Variants in KCNQ1OT1 observed in about 807,000 individuals in gnomAD.
The protein encoded by KCNQ1OT1 is KCNQ1 opposite strand/antisense transcript 1.
Position 2,661,838 on chromosome 11 carries a change from G to C in KCNQ1OT1, n.38157C>G. 2 of 1,277,282 alleles carry C rather than the reference G, an allele frequency of 1.6e-6. No individual in the cohort carries two copies. The highest frequency in any genetic ancestry group is 2.3e-6 in the Non-Finnish European group (2 of 884,534). 79.1% of individuals were successfully genotyped at this position (1,277,282 alleles called of 1,614,324 possible). ...ACCCAACTATAAAACTGATTGTCAG[G>C]GCTGGAGCTTCCAGGCACAAGCTCC... is the stretch of plus-strand genomic sequence containing the variant. On this transcript the variant is annotated non_coding_transcript_exon_variant, in exon 1 of 1. Coordinates refer to ENST00000597346, the Ensembl canonical transcript of KCNQ1OT1. This position sits in a 1 kb window ranked among gnomAD's most constrained non-coding sequence, Gnocchi z 5.9.
rs1342845005 is a variant in KCNQ1OT1, at chr11:2,669,340, C to T, written n.30655G>A. 2.5e-6 allele frequency: 1 copy of T among 398,520 alleles called. No homozygotes were observed. Among genetic ancestry groups the T allele is most frequent in the Non-Finnish European group, 4.4e-6 (1 of 226,086 alleles). The allele number at this position is 398,520 out of a possible 1,614,324, so 24.7% of individuals were successfully genotyped here. ...GAAAGCCTCCTCTAGGCGCAGCAGC[C>T]TCTAGATGGGCATGGGAGAATGGGT... On this transcript the variant is annotated non_coding_transcript_exon_variant, in exon 1 of 1. Transcript: ENST00000597346. The surrounding 1 kb of genome is among the most constrained non-coding windows in gnomAD (Gnocchi z 5.6).
chr11:2,639,085 C>G (rs2133826414), exon 1 of KCNQ1OT1: 1 of 152,288 alleles, frequency 6.6e-6, no homozygotes, highest in African/African-American at 2.4e-5. Context: ...AAGGACTTCT[C>G]TACACTGGTT....
At position 2,674,660 on chromosome 11, in the gene KCNQ1OT1, G is replaced by A; in HGVS notation, n.25335C>T. 2.5e-6 allele frequency: 1 copy of A among 398,480 alleles called. No individual in the cohort carries two copies. The highest frequency in any genetic ancestry group is 4.4e-6 in the Non-Finnish European group (1 of 226,034). The allele number at this position is 398,480 out of a possible 1,614,324, so 24.7% of individuals were successfully genotyped here. ...TTGAATTGGAAAGCCAGAACTTTTTGCAAAATAATTTGAAAAGTTTGTTGA... is the reference window on the plus strand; with the variant it reads ...TTGAATTGGAAAGCCAGAACTTTTTACAAAATAATTTGAAAAGTTTGTTGA... On this transcript the variant is annotated non_coding_transcript_exon_variant, in exon 1 of 1. Transcript: ENST00000597346. The surrounding 1 kb of genome is among the most constrained non-coding windows in gnomAD (Gnocchi z 5.9).
In KCNQ1OT1 at chr11:2,673,625, C is replaced by T. The variant is rs1850229604; in HGVS notation, n.26370G>A. 2 of 398,766 alleles carry T rather than the reference C, an allele frequency of 5.0e-6. No individual in the cohort carries two copies. The highest frequency in any genetic ancestry group is 4.4e-6 in the Non-Finnish European group (1 of 226,144). 24.7% of individuals were successfully genotyped at this position (398,766 alleles called of 1,614,324 possible). A position where few individuals can be genotyped will look rare whatever the true frequency, so the allele number is the denominator to read the frequency against. On this transcript the variant is annotated non_coding_transcript_exon_variant, in exon 1 of 1. Transcript: ENST00000597346. The surrounding 1 kb of genome is among the most constrained non-coding windows in gnomAD (Gnocchi z 4.5). ...AAACGTGACCAGCCTACCCACCTTG[C>T]TACTGCTGATGACCACCCTGACTCA...
chr11:2,618,644 T>C (rs1849111541), exon 1 of KCNQ1OT1: 1 of 398,594 alleles, frequency 2.5e-6, no homozygotes, highest in African/African-American at 2.1e-5. Context: ...CCTTTGTTTT[T>C]CAGAACAGAA....
At position 2,620,213 on chromosome 11, in the gene KCNQ1OT1, T is replaced by TATATATA. The variant is rs1305943444; in HGVS notation, n.79781_79782insTATATAT. On this transcript the variant is annotated non_coding_transcript_exon_variant, in exon 1 of 1. Transcript: ENST00000597346. The surrounding 1 kb of genome is among the most constrained non-coding windows in gnomAD (Gnocchi z 4.5). ...AGTTCATTCATGTATATATATATAT[T>TATATATA]TTTTTTTTTTATTTTTTTTTTAGAC... 41 of 247,294 alleles carry TATATATA rather than the reference T, an allele frequency of 1.7e-4. No individual in the cohort carries two copies. The highest frequency in any genetic ancestry group is 5.0e-4 in the African/African-American group (17 of 33,832). 15.3% of individuals were successfully genotyped at this position (247,294 alleles called of 1,614,324 possible).
chr11:2,699,500 G>A (rs551882623), exon 1 of KCNQ1OT1: 1 of 179,644 alleles, frequency 5.6e-6, no homozygotes, highest in Non-Finnish European at 8.8e-6. Context: ...AGAGTGCCGC[G>A]CTGAGGAGCC....
exon 1 of KCNQ1OT1, chr11:2,650,429 C>T (rs975752832): frequency 7.5e-5 from 30 of 398,402 alleles, no homozygotes; most frequent in Admixed American, 2.2e-4. Flanking sequence ...CCTGTACACG[C>T]GTCTGTAGTA....
In KCNQ1OT1 at chr11:2,659,117, A is replaced by T; in HGVS notation, n.40878T>A. On this transcript the variant is annotated non_coding_transcript_exon_variant, in exon 1 of 1. Transcript: ENST00000597346. This position sits in a 1 kb window ranked among gnomAD's most constrained non-coding sequence, Gnocchi z 4.3. Reference sequence around the variant, plus strand: ...CCTCCAACATCCGGGTTAATTTTTTAAATTTGCATACAGTAAAATCCACTC... The same window carrying T: ...CCTCCAACATCCGGGTTAATTTTTTTAATTTGCATACAGTAAAATCCACTC... 2.5e-6 allele frequency: 1 copy of T among 398,626 alleles called. No homozygotes were observed. Among genetic ancestry groups the T allele is most frequent in the Non-Finnish European group, 4.4e-6 (1 of 226,064 alleles). 24.7% of individuals were successfully genotyped at this position (398,626 alleles called of 1,614,324 possible).
exon 1 of KCNQ1OT1, chr11:2,634,465 G>C (rs764502966): frequency 6.3e-6 from 1 of 157,746 alleles, no homozygotes; most frequent in Non-Finnish European, 1.4e-5. Context: ...TGCTGAGAAT[G>C]ATGGTTTCCA....
exon 1 of KCNQ1OT1, chr11:2,632,448 G>C (rs1462898367): frequency 2.5e-5 from 10 of 398,158 alleles, no homozygotes; most frequent in Admixed American, 4.4e-5. Context: ...CCTGATCTTA[G>C]AGGAAAAGCT....
rs1590020221 is a variant in KCNQ1OT1 at position 2,668,781 on chromosome 11, A to G, written n.31214T>C. 2 of 398,560 alleles carry G rather than the reference A, an allele frequency of 5.0e-6. No individual in the cohort carries two copies. Among genetic ancestry groups the G allele is most frequent in the East Asian group, 7.1e-5 (2 of 28,080 alleles). 24.7% of individuals were successfully genotyped at this position (398,560 alleles called of 1,614,324 possible). ...CTTCCTCTCTTGATGGTGTCTTTTGATGAACAGAAGGTCTTAATTTTCATG... is the reference window on the plus strand; with the variant it reads ...CTTCCTCTCTTGATGGTGTCTTTTGGTGAACAGAAGGTCTTAATTTTCATG... On this transcript the variant is annotated non_coding_transcript_exon_variant, in exon 1 of 1. Coordinates refer to ENST00000597346, the Ensembl canonical transcript of KCNQ1OT1. The surrounding 1 kb of genome is among the most constrained non-coding windows in gnomAD (Gnocchi z 4.3).
chr11:2,698,939 A>T lies in KCNQ1OT1; in HGVS notation n.1056T>A, dbSNP rs931313203. The T allele has an allele frequency of 2.5e-6, 1 of 398,622 alleles. No individual in the cohort carries two copies. Among genetic ancestry groups the T allele is most frequent in the Non-Finnish European group, 4.4e-6 (1 of 226,100 alleles). The allele number at this position is 398,622 out of a possible 1,614,324, so 24.7% of individuals were successfully genotyped here. A position where few individuals can be genotyped will look rare whatever the true frequency, so the allele number is the denominator to read the frequency against. ...ATGTGGACCCTAGACCCGAATTCTG[A>T]TCCCAACTAGGATACCTAACTCAGA... On this transcript the variant is annotated non_coding_transcript_exon_variant, in exon 1 of 1. Transcript: ENST00000597346. The surrounding 1 kb of genome is among the most constrained non-coding windows in gnomAD (Gnocchi z 5.1).
At chr11:2,694,146 G>T in exon 1 of KCNQ1OT1, 1 of 398,650 alleles carries the variant, frequency 2.5e-6, no homozygotes, top group South Asian at 1.3e-4. Context: ...TTATACTGCT[G>T]ACCAGGGAAG....
chr11:2,673,160 G>C lies in KCNQ1OT1; in HGVS notation n.26835C>G. 2.5e-6 allele frequency: 1 copy of C among 398,720 alleles called. No homozygotes were observed. 24.7% of individuals were successfully genotyped at this position (398,720 alleles called of 1,614,324 possible). On this transcript the variant is annotated non_coding_transcript_exon_variant, in exon 1 of 1. Coordinates refer to ENST00000597346, the Ensembl canonical transcript of KCNQ1OT1. This position sits in a 1 kb window ranked among gnomAD's most constrained non-coding sequence, Gnocchi z 4.5. ...TGCTGACCATCCCTGACCCAAGCAC[G>C]AGGATCAGAATGGGCCCTGGAGCCA...
exon 1 of KCNQ1OT1, chr11:2,699,487 G>GGAGAGTGCCGCGCTGAGGAGCCCCCA: frequency 2.5e-6 from 1 of 402,464 alleles, no homozygotes; most frequent in Non-Finnish European, 4.3e-6. Context: ...GGAGCCCCCG[G>GGAGAGTGCCGCGCTGAGGAGCCCCCA]GGAGAGTGCC....
exon 1 of KCNQ1OT1, chr11:2,684,329 G>A: frequency 2.5e-6 from 1 of 398,642 alleles, no homozygotes; most frequent in Non-Finnish European, 4.4e-6. Context: ...CTCCTGAGGT[G>A]GCCCAGGTAT....
Position 2,651,990 on chromosome 11 carries a change from T to G in KCNQ1OT1, n.48005A>C, listed in dbSNP as rs1849764091. On this transcript the variant is annotated non_coding_transcript_exon_variant, in exon 1 of 1. Coordinates refer to ENST00000597346, the Ensembl canonical transcript of KCNQ1OT1. The surrounding 1 kb of genome is among the most constrained non-coding windows in gnomAD (Gnocchi z 6.1). ...CAAGCTGAGTTGATTACTTTTGACA[T>G]CAGTTGTTAACATAATTTTGATGTT... 2.5e-6 allele frequency: 1 copy of G among 398,664 alleles called. No individual in the cohort carries two copies. The highest frequency in any genetic ancestry group is 4.4e-6 in the Non-Finnish European group (1 of 226,106). The allele number at this position is 398,664 out of a possible 1,614,324, so 24.7% of individuals were successfully genotyped here.
rs992212945 is a variant in KCNQ1OT1 at position 2,682,108 on chromosome 11, G to A, written n.17887C>T. 6 of 398,598 alleles carry A rather than the reference G, an allele frequency of 1.5e-5. No individual in the cohort carries two copies. The highest frequency in any genetic ancestry group is 1.3e-3 in the Middle Eastern group (2 of 1,588). The allele number at this position is 398,598 out of a possible 1,614,324, so 24.7% of individuals were successfully genotyped here. On this transcript the variant is annotated non_coding_transcript_exon_variant, in exon 1 of 1. Coordinates refer to ENST00000597346, the Ensembl canonical transcript of KCNQ1OT1. This position sits in a 1 kb window ranked among gnomAD's most constrained non-coding sequence, Gnocchi z 5.8. Reference sequence around the variant, plus strand: ...CCCAGGGTCACAAAGCTAGGGAGCCGTGGATCTGCAGGAGATGTCCCAGCT... The same window carrying A: ...CCCAGGGTCACAAAGCTAGGGAGCCATGGATCTGCAGGAGATGTCCCAGCT...
Sources: gnomAD v4.1 joint callset for allele counts on GRCh38, gnomAD v4.1.1 for gene constraint, Gnocchi (gnomAD v3.1) non-coding constraint, MANE v1.5 for transcripts, NCBI Gene and HGNC (gene_info 2026-07-23, HGNC 2026-07-21) for gene names.